Variants in SIPA1L2 observed in about 807,000 individuals in gnomAD.
SIPA1L2 encodes the protein signal induced proliferation associated 1 like 2, also known as signal-induced proliferation-associated 1-like protein 2.
SIPA1L2 carries 56 observed loss-of-function variants against 163.9 expected under a neutral mutation model. The observed-to-expected ratio is 0.34, with a 90% confidence interval of 0.28 to 0.43. The LOEUF is 0.43. Ranked by LOEUF, SIPA1L2 falls within the 20% of genes least tolerant of loss-of-function variation. The probability of loss-of-function intolerance (pLI) is 1.00; values close to 1 mark genes in which losing one functional copy is unlikely to be tolerated. For synonymous variants in SIPA1L2, 877 were observed against 865.7 expected, an observed-to-expected ratio of 1.01 and a Z score of -0.23; for missense variants, 1,974 against 2,193.5, an observed-to-expected ratio of 0.90 and a Z score of 2.00.
chr1:232,417,221 A>G (rs1661313804), intron 18 of SIPA1L2, among the ~76,000 whole-genome samples: 1 of 152,142 alleles, frequency 6.6e-6, no homozygotes. Flanking sequence ...AGACCGACAG[A>G]CTTTTTTGAG....
chr1:232,596,787 C>T (rs1537579), intron 1 of SIPA1L2, among the ~76,000 whole-genome samples: 1 of 152,350 alleles, frequency 6.6e-6, no homozygotes, highest in Non-Finnish European at 1.5e-5. Flanking sequence ...TTCTTCCCCG[C>T]TTCGCCTGTG....
intron 5 of SIPA1L2, among the ~76,000 whole-genome samples, chr1:232,487,134 C>A (rs533717462): frequency 7.9e-5 from 12 of 152,374 alleles, no homozygotes; most frequent in African/African-American, 2.9e-4. Flanking sequence ...GCTGGACACA[C>A]ATACATACTG....
chr1:232,567,750 T>C (rs185259287), intron 2 of SIPA1L2, among the ~76,000 whole-genome samples: 8 of 152,314 alleles, frequency 5.3e-5, no homozygotes, highest in East Asian at 3.9e-4. Context: ...AATGAGTTAA[T>C]TGATGGATGG....
intron 1 of SIPA1L2, among the ~76,000 whole-genome samples, chr1:232,615,767 T>C (rs556219193): frequency 6.6e-6 from 1 of 152,088 alleles, no homozygotes; most frequent in African/African-American, 2.4e-5. Context: ...CTACTTCCAA[T>C]GAGGGGGGGC....
At chr1:232,605,656 T>A (rs1326215603) in intron 1 of SIPA1L2, among the ~76,000 whole-genome samples, 1 of 152,110 alleles carries the variant, frequency 6.6e-6, no homozygotes, top group Non-Finnish European at 1.5e-5. Context: ...ATCGCGCCAC[T>A]GCACTCCAGC....
chr1:232,488,841 A>G (rs1403306848), intron 5 of SIPA1L2, among the ~76,000 whole-genome samples: 1 of 152,238 alleles, frequency 6.6e-6, no homozygotes, highest in Non-Finnish European at 1.5e-5. Context: ...ATAGGGGGCC[A>G]TCAAAAGTTT....
intron 2 of SIPA1L2, among the ~76,000 whole-genome samples, chr1:232,521,351 T>G (rs181529845): frequency 2.0e-4 from 30 of 152,312 alleles, no homozygotes; most frequent in East Asian, 1.7e-3. Context: ...AGTTAAGAAT[T>G]TTTTCATTGG....
At chr1:232,563,952 TTTTCG>T (rs1659194602) in intron 2 of SIPA1L2, among the ~76,000 whole-genome samples, 1 of 135,626 alleles carries the variant, frequency 7.4e-6, no homozygotes, top group African/African-American at 3.2e-5. Flanking sequence ...TTGTTTTTTT[TTTTCG>T]TGTGTGTGTG....
rs768311174 is a variant in SIPA1L2, at chr1:232,439,394, C to T, written c.3745G>A (p.Asp1249Asn). The change falls in exon 15 of 23, where the codon GAC becomes AAC. Residue 1249 changes from aspartate (D) to asparagine (N), a missense_variant. Around this residue, in one of 3 missense-constraint regions of SIPA1L2, gnomAD observed 1,079 missense variants for 1,150.7 expected, o/e 0.94. Transcript: ENST00000674635. ...TAGGTCAGCCCCAGTAATTCGGGGT[C>T]CATCAGGTCGCCAGACCCAAAGTGC... is the stretch of plus-strand genomic sequence containing the variant. ...DKHFGSGDLM[D>N]PELLGLTYIK... 1.2e-6 allele frequency: 2 copies of T among 1,614,190 alleles called. No individual in the cohort carries two copies. Among genetic ancestry groups the T allele is most frequent in the South Asian group, 2.2e-5 (2 of 91,076 alleles).
intron 1 of SIPA1L2, among the ~76,000 whole-genome samples, chr1:232,612,849 G>A (rs777762188): frequency 1.4e-4 from 21 of 151,558 alleles, no homozygotes; most frequent in Admixed American, 3.3e-4. Flanking sequence ...GATTTGGAGA[G>A]GCCAGAGGTG....
intron 10 of SIPA1L2, among the ~76,000 whole-genome samples, chr1:232,450,945 A>C (rs556800915): frequency 1.3e-5 from 2 of 152,328 alleles, no homozygotes; most frequent in South Asian, 4.1e-4. Flanking sequence ...CTTGTGCAGA[A>C]AGTCATATAG....
intron 3 of SIPA1L2, among the ~76,000 whole-genome samples, chr1:232,496,778 G>A (rs1160445960): frequency 3.9e-5 from 6 of 152,064 alleles, no homozygotes; most frequent in African/African-American, 9.7e-5. Context: ...AATAACTTTC[G>A]TTTTTCCCTC....
At chr1:232,491,872 A>T (rs1009709098) in intron 4 of SIPA1L2, among the ~76,000 whole-genome samples, 1 of 152,220 alleles carries the variant, frequency 6.6e-6, no homozygotes, top group African/African-American at 2.4e-5. Context: ...CAACGAGGAC[A>T]ATGTTCTCTA....
intron 1 of SIPA1L2, among the ~76,000 whole-genome samples, chr1:232,608,797 G>A (rs777988277): frequency 1.3e-5 from 2 of 151,990 alleles, no homozygotes; most frequent in Non-Finnish European, 2.9e-5. Flanking sequence ...ACATACAGTG[G>A]CCAAGCAAGT....
chr1:232,560,265 C>A (rs1658955987), intron 2 of SIPA1L2, among the ~76,000 whole-genome samples: 1 of 152,234 alleles, frequency 6.6e-6, no homozygotes, highest in Non-Finnish European at 1.5e-5. Flanking sequence ...CTACCCCAAA[C>A]CACATCCCCA....
At chr1:232,518,247 T>C (rs910475152) in intron 2 of SIPA1L2, among the ~76,000 whole-genome samples, 9 of 152,216 alleles carry the variant, frequency 5.9e-5, no homozygotes, top group African/African-American at 1.9e-4. Flanking sequence ...TTAGCTTTAG[T>C]GGACAGCTAC....
chr1:232,441,418 T>C, intron 13 of SIPA1L2, 24 bp from the exon 14 acceptor site: 2 of 1,570,918 alleles, frequency 1.3e-6, no homozygotes, highest in Non-Finnish European at 1.7e-6. Flanking sequence ...AGAGAGGAGT[T>C]GAATTTCCAA....
At chr1:232,587,865 G>C (rs1282585753) in intron 1 of SIPA1L2, among the ~76,000 whole-genome samples, 2 of 152,260 alleles carry the variant, frequency 1.3e-5, no homozygotes, top group Non-Finnish European at 2.9e-5. Context: ...GATGGTTTTA[G>C]AAGGGGAAAT....
chr1:232,479,724 G>A lies in SIPA1L2; in HGVS notation c.1988C>T (p.Ser663Phe), dbSNP rs1665227797. The change falls in exon 7 of 23, where the codon TCC (serine) becomes TTC (phenylalanine). Residue 663 changes from serine to phenylalanine, a missense_variant. Coordinates refer to ENST00000674635, the MANE Select transcript of SIPA1L2 (RefSeq NM_020808.5). The stretch of plus-strand genomic sequence containing the variant: ...GGTATAGAGAGAGTGCGTGCCCGTG[G>A]AATCAGCTGAAAACAAAGATGAATT... ...YRAQLDNKTD[S>F]TGTHSLYTTY... The A allele has an allele frequency of 2.5e-6, 4 of 1,612,966 alleles. No homozygotes were observed. Among genetic ancestry groups the A allele is most frequent in the Non-Finnish European group, 3.4e-6 (4 of 1,179,170 alleles).
Sources: allele counts gnomAD v4.1 joint callset (sites outside exome capture counted in the v4.1 genomes callset), GRCh38; gene constraint gnomAD v4.1.1; regional missense constraint gnomAD v4.1.1; transcripts MANE v1.5; gene names NCBI Gene and HGNC (gene_info 2026-07-23, HGNC 2026-07-21).